XKR6: variants seen among roughly 807,000 people sequenced by gnomAD.
XKR6 encodes the protein XK-related protein 6.
In XKR6, 22 loss-of-function variants were observed where a neutral mutation model predicts 56.7. The ratio of observed to expected loss-of-function variants is 0.39; its 90% CI spans 0.28 to 0.55. The LOEUF is 0.55. Ranked by LOEUF, XKR6 falls within the 20% of genes least tolerant of loss-of-function variation. The pLI, the probability that XKR6 is intolerant of heterozygous loss-of-function variation, is 0.66. For synonymous variants in XKR6, 524 were observed against 387.8 expected (o/e 1.35, Z -4.13); for missense variants, 852 against 889.0 (o/e 0.96, Z 0.53).
intron 1 of XKR6, among the ~76,000 whole-genome samples, chr8:10,963,408 C>T (rs1177250962): frequency 6.6e-6 from 1 of 152,220 alleles, no homozygotes; most frequent in Admixed American, 6.5e-5. Context: ...CATGGATATC[C>T]CTAGACACGG....
chr8:10,929,857 C>A (rs373274142), intron 1 of XKR6, among the ~76,000 whole-genome samples: 5 of 152,170 alleles, frequency 3.3e-5, no homozygotes, highest in Non-Finnish European at 5.9e-5. Flanking sequence ...CCCTCCAGCC[C>A]ACTCTGCTTA....
chr8:11,018,968 C>T (rs1297194747), intron 1 of XKR6, among the ~76,000 whole-genome samples: 1 of 152,172 alleles, frequency 6.6e-6, no homozygotes, highest in East Asian at 1.9e-4. Flanking sequence ...TCTGCCTGGG[C>T]CACCCTAGCT....
intron 1 of XKR6, among the ~76,000 whole-genome samples, chr8:11,082,722 C>G (rs982346602): frequency 6.6e-6 from 1 of 152,330 alleles, no homozygotes; most frequent in Admixed American, 6.5e-5. Flanking sequence ...TTCCTTTTAA[C>G]TGGGACACAG....
At chr8:11,117,856 T>C (rs1799254523) in intron 1 of XKR6, among the ~76,000 whole-genome samples, 1 of 151,838 alleles carries the variant, frequency 6.6e-6, no homozygotes, top group Non-Finnish European at 1.5e-5. Context: ...TTACAGACAA[T>C]TCATCAAGGA....
At chr8:11,155,209 C>T (rs990655944) in intron 1 of XKR6, among the ~76,000 whole-genome samples, 26 of 152,176 alleles carry the variant, frequency 1.7e-4, no homozygotes, top group African/African-American at 9.7e-5. Flanking sequence ...GTTACCAAAG[C>T]CTTACTGTCT....
chr8:11,045,075 C>CTTT (rs5889356), intron 1 of XKR6, among the ~76,000 whole-genome samples: 822 of 36,086 alleles, frequency 0.023, 218 homozygotes, highest in Non-Finnish European at 0.026. Flanking sequence ...TCAAATCACT[C>CTTT]TTTTTTTTTT....
chr8:10,982,880 C>G (rs1250609893), intron 1 of XKR6, among the ~76,000 whole-genome samples: 4 of 152,160 alleles, frequency 2.6e-5, no homozygotes, highest in African/African-American at 9.7e-5. Context: ...TAGGCTGAAC[C>G]AAGGGCACCA....
chr8:11,009,558 T>C (rs547167337), intron 1 of XKR6, among the ~76,000 whole-genome samples: 1 of 152,186 alleles, frequency 6.6e-6, no homozygotes, highest in Non-Finnish European at 1.5e-5. Flanking sequence ...TTGATGGAGA[T>C]AGCATGAGCT....
At chr8:11,076,939 G>T (rs538637003) in intron 1 of XKR6, among the ~76,000 whole-genome samples, 2 of 152,208 alleles carry the variant, frequency 1.3e-5, no homozygotes, top group Non-Finnish European at 2.9e-5. Context: ...CACTTTGGAG[G>T]CTGAGGCATG....
At chr8:10,924,854 A>G (rs1239363543) in intron 1 of XKR6, 24 bp from the exon 2 acceptor site, 3 of 1,603,898 alleles carry the variant, frequency 1.9e-6, no homozygotes, top group Non-Finnish European at 2.6e-6. Context: ...TGGGGAGAAC[A>G]CAGAGAGCAT....
chr8:11,168,793 G>A (rs946539748), intron 1 of XKR6, among the ~76,000 whole-genome samples: 3 of 152,090 alleles, frequency 2.0e-5, no homozygotes, highest in Non-Finnish European at 2.9e-5. Context: ...AAGAAAACTC[G>A]CACAAACATC....
At chr8:10,910,300 G>GT (rs5889346) in intron 2 of XKR6, among the ~76,000 whole-genome samples, 152,248 of 152,248 alleles carry the variant, frequency 1, 76,124 homozygotes, top group Non-Finnish European at 1. Context: ...AAAATAGACA[G>GT]GAACTTGGCT....
chr8:11,140,056 TG>T (rs1474408754), intron 1 of XKR6, among the ~76,000 whole-genome samples: 3 of 151,126 alleles, frequency 2.0e-5, no homozygotes, highest in Non-Finnish European at 4.4e-5. Flanking sequence ...AAAGATTATA[TG>T]GAAGACAAGA....
At position 10,994,652 on chromosome 8, in the gene XKR6, G is replaced by A. The variant is rs1439599432; in HGVS notation, c.765-69822C>T. Among the ~76,000 whole-genome samples, 12 of 152,294 alleles carry A rather than the reference G, an allele frequency of 7.9e-5. No individual in the cohort carries two copies. In the East Asian group the frequency reaches 2.3e-3, roughly 29 times the overall value. On this transcript the variant is annotated intron_variant, in intron 1 of 2. Transcript: ENST00000416569. ...GAGCCTTAAGAAACTAATGTGCATTGAGTGTGTACTCTCCACTTATCTGCT... is the reference window on the plus strand; with the variant it reads ...GAGCCTTAAGAAACTAATGTGCATTAAGTGTGTACTCTCCACTTATCTGCT...
chr8:11,020,173 A>G (rs2129148435), intron 1 of XKR6, among the ~76,000 whole-genome samples: 1 of 151,742 alleles, frequency 6.6e-6, no homozygotes, highest in African/African-American at 2.4e-5. Flanking sequence ...CAGGCATAGG[A>G]TGAGGGGACT....
intron 1 of XKR6, among the ~76,000 whole-genome samples, chr8:11,187,915 C>T (rs1803359983): frequency 6.6e-6 from 1 of 152,168 alleles, no homozygotes; most frequent in South Asian, 2.1e-4. Flanking sequence ...ATGCTGAGCG[C>T]AAGTTTCAAG....
At chr8:10,949,366 C>T (rs766629809) in intron 1 of XKR6, among the ~76,000 whole-genome samples, 2 of 152,238 alleles carry the variant, frequency 1.3e-5, no homozygotes, top group Non-Finnish European at 2.9e-5. Context: ...TGGGGTGCAG[C>T]AGCACCGTGG....
intron 1 of XKR6, among the ~76,000 whole-genome samples, chr8:10,963,364 C>G (rs1016922995): frequency 2.6e-5 from 4 of 152,204 alleles, no homozygotes; most frequent in Admixed American, 2.0e-4. Flanking sequence ...TTCCACCTCC[C>G]CTTATCTGCT....
chr8:10,988,971 A>T (rs4484650), intron 1 of XKR6, among the ~76,000 whole-genome samples: 4,243 of 152,288 alleles, frequency 0.028, 143 homozygotes, highest in African/African-American at 0.082. Flanking sequence ...TGGACACATA[A>T]AATACTTGCT....
Sources: gnomAD v4.1 joint callset for allele counts (sites outside exome capture counted in the v4.1 genomes callset) on GRCh38, gnomAD v4.1.1 for gene constraint, MANE v1.5 for transcripts, NCBI Gene and HGNC (gene_info 2026-07-23, HGNC 2026-07-21) for gene names.